Variants in FAM13A observed in about 807,000 individuals in gnomAD.
FAM13A encodes protein FAM13A.
In FAM13A, 76 loss-of-function variants were observed where a neutral mutation model predicts 129.6. The observed-to-expected ratio is 0.59, with a 90% CI of 0.49 to 0.71. FAM13A has a LOEUF of 0.71. Among genes scored for constraint, FAM13A ranks in the 30% least tolerant of loss-of-function variants. The probability of loss-of-function intolerance (pLI) is 0.00; values close to 1 mark genes in which losing one functional copy is unlikely to be tolerated. For synonymous variants in FAM13A, 443 were observed against 449.9 expected, an observed-to-expected ratio of 0.98 and a Z score of 0.20; for missense variants, 1,108 against 1,249.3, an observed-to-expected ratio of 0.89 and a Z score of 1.70.
In FAM13A at chr4:88,727,287, A is replaced by C. The variant is rs1407180533; in HGVS notation, c.*1246T>G. ...CGCAGGAGTTAAAAAAGTAACAGCAAATCATGAGGTGACATCAGGCACACT... is the reference window on the plus strand; with the variant it reads ...CGCAGGAGTTAAAAAAGTAACAGCACATCATGAGGTGACATCAGGCACACT... On this transcript the variant is annotated 3_prime_UTR_variant, in exon 24 of 24. Transcript: ENST00000264344. The C allele has an allele frequency of 6.6e-6, 1 of 152,620 alleles. No individual in the cohort carries two copies. Among genetic ancestry groups the C allele is most frequent in the Non-Finnish European group, 1.5e-5 (1 of 68,060 alleles). The allele number at this position is 152,620 out of a possible 1,614,324, so 9.5% of individuals were successfully genotyped here.
At chr4:88,777,244 A>C (rs1721929110) in intron 11 of FAM13A, among the ~76,000 whole-genome samples, 1 of 152,172 alleles carries the variant, frequency 6.6e-6, no homozygotes. Context: ...GAATTTCCAA[A>C]GATACTTTTC....
intron 7 of FAM13A, among the ~76,000 whole-genome samples, chr4:88,810,195 A>G (rs879332819): frequency 2.6e-5 from 4 of 152,152 alleles, no homozygotes; most frequent in African/African-American, 7.2e-5. Context: ...AATAGACAAA[A>G]AGACTTCCAA....
chr4:88,834,887 C>A (rs1029770109), intron 7 of FAM13A, among the ~76,000 whole-genome samples: 2 of 152,036 alleles, frequency 1.3e-5, no homozygotes, highest in African/African-American at 4.8e-5. Context: ...CTATTACCAC[C>A]ACTGTTCTCT....
intron 1 of FAM13A, among the ~76,000 whole-genome samples, chr4:89,046,293 A>G (rs2149171301): frequency 6.6e-6 from 1 of 152,334 alleles, no homozygotes; most frequent in South Asian, 2.1e-4. Flanking sequence ...AAAACCTGGA[A>G]CAGTTATACT....
intron 8 of FAM13A, among the ~76,000 whole-genome samples, chr4:88,793,512 GA>G (rs1324811164): frequency 6.6e-6 from 1 of 151,910 alleles, no homozygotes; most frequent in Non-Finnish European, 1.5e-5. Flanking sequence ...TCTTTTAATA[GA>G]ATTCCTATAT....
chr4:89,024,635 T>A (rs546221996), intron 2 of FAM13A, among the ~76,000 whole-genome samples: 1 of 152,218 alleles, frequency 6.6e-6, no homozygotes, highest in Non-Finnish European at 1.5e-5. Flanking sequence ...GTATCACAGG[T>A]GTACAGTAAA....
At chr4:88,923,131 A>G (rs1235463642) in intron 5 of FAM13A, among the ~76,000 whole-genome samples, 1 of 152,024 alleles carries the variant, frequency 6.6e-6, no homozygotes, top group Non-Finnish European at 1.5e-5. Flanking sequence ...ACAAGGAGGA[A>G]CTGGTACCAT....
chr4:88,875,703 C>G (rs1263963401), intron 6 of FAM13A, among the ~76,000 whole-genome samples: 1 of 152,312 alleles, frequency 6.6e-6, no homozygotes, highest in African/African-American at 2.4e-5. Context: ...GGACTGTAAA[C>G]TAGTTCAGCC....
Position 88,783,307 on chromosome 4 carries a change from A to G in FAM13A, c.1272-1956T>C, listed in dbSNP as rs556841021. ...TTTTTTTTCACTTTTATTTTTATTT[A>G]TTTATTTTTTGAGACAGAGTCTTGC... is the stretch of plus-strand genomic sequence containing the variant. On this transcript the variant is annotated intron_variant, in intron 10 of 23. Transcript: ENST00000264344. Among the ~76,000 whole-genome samples, 5 of 150,382 alleles carry G rather than the reference A, an allele frequency of 3.3e-5. No individual in the cohort carries two copies. The East Asian group carries it at 9.8e-4, about 30-fold the overall frequency.
At chr4:88,790,533 G>C in intron 9 of FAM13A, 53 bp downstream of exon 9, 6 of 1,284,940 alleles carry the variant, frequency 4.7e-6, no homozygotes, top group Non-Finnish European at 6.6e-6. Flanking sequence ...AAGTGGGACA[G>C]GGCATTAAAA....
chr4:88,783,804 T>G (rs771498523), intron 10 of FAM13A, among the ~76,000 whole-genome samples: 1 of 151,492 alleles, frequency 6.6e-6, no homozygotes, highest in Non-Finnish European at 1.5e-5. Context: ...ACATCAGGAG[T>G]GTGCACACAG....
chr4:88,939,640 G>A (rs1448769366), intron 4 of FAM13A, among the ~76,000 whole-genome samples: 1 of 152,060 alleles, frequency 6.6e-6, no homozygotes, highest in East Asian at 1.9e-4. Flanking sequence ...CCTGTGACTT[G>A]CTTCTGATCA....
intron 10 of FAM13A, among the ~76,000 whole-genome samples, chr4:88,786,714 T>A (rs1724036664): frequency 6.6e-6 from 1 of 152,140 alleles, no homozygotes; most frequent in Non-Finnish European, 1.5e-5. Flanking sequence ...CTCTTAAACA[T>A]CTCGGTGAGG....
At chr4:88,912,786 G>A (rs920833661) in intron 5 of FAM13A, among the ~76,000 whole-genome samples, 1 of 152,002 alleles carries the variant, frequency 6.6e-6, no homozygotes, top group African/African-American at 2.4e-5. Flanking sequence ...GTCTAAGCCT[G>A]GGCAACCTAG....
chr4:88,762,728 T>A (rs1745038307), intron 13 of FAM13A, among the ~76,000 whole-genome samples: 1 of 152,106 alleles, frequency 6.6e-6, no homozygotes, highest in Non-Finnish European at 1.5e-5. Flanking sequence ...AGTTGCTCCA[T>A]CCTCTCTAAC....
intron 19 of FAM13A, 58 bp from the exon 20 acceptor site, chr4:88,739,183 T>A: frequency 8.7e-7 from 1 of 1,144,794 alleles, no homozygotes; most frequent in South Asian, 1.2e-5. Context: ...CAACCAGCTG[T>A]CTAAGCATGC....
At chr4:88,910,185 G>A (rs1354824260) in intron 5 of FAM13A, among the ~76,000 whole-genome samples, 4 of 152,000 alleles carry the variant, frequency 2.6e-5, no homozygotes, top group Non-Finnish European at 5.9e-5. Flanking sequence ...GATCACATAC[G>A]GCATATTTAT....
At chr4:88,849,319 C>A (rs770209886) in intron 7 of FAM13A, among the ~76,000 whole-genome samples, 6 of 152,182 alleles carry the variant, frequency 3.9e-5, no homozygotes, top group Admixed American at 1.3e-4. Context: ...ATCTATCCTG[C>A]ACACTGATGG....
intron 8 of FAM13A, among the ~76,000 whole-genome samples, chr4:88,793,017 C>T (rs1185631489): frequency 6.6e-6 from 1 of 152,020 alleles, no homozygotes; most frequent in Non-Finnish European, 1.5e-5. Flanking sequence ...TTAATACAGA[C>T]TGTGATTCAG....
Sources: gnomAD v4.1 joint callset for allele counts (sites outside exome capture counted in the v4.1 genomes callset) on GRCh38, gnomAD v4.1.1 for gene constraint, MANE v1.5 for transcripts, NCBI Gene and HGNC (gene_info 2026-07-23, HGNC 2026-07-21) for gene names.